Variants in TRUB1 observed in about 807,000 individuals in gnomAD.
The protein encoded by TRUB1 is TruB pseudouridine synthase family member 1.
Under a neutral mutation model 33.9 loss-of-function variants are expected in TRUB1, and 23 were observed. The observed-to-expected ratio is 0.68, with a 90% confidence interval of 0.49 to 0.96. The LOEUF is 0.96. Ranked by LOEUF, TRUB1 falls within the 40% of genes least tolerant of loss-of-function variation. TRUB1 has a pLI of 0.00. For synonymous variants in TRUB1, 163 were observed against 165.4 expected, an observed-to-expected ratio of 0.99 and a Z score of 0.11; for missense variants, 378 against 422.2, an observed-to-expected ratio of 0.90 and a Z score of 0.92.
In TRUB1 at chr10:114,938,537, C is replaced by A. The variant is rs775690285; in HGVS notation, c.284C>A (p.Ala95Glu). The A allele has an allele frequency of 5.9e-6, 9 of 1,526,448 alleles. No individual in the cohort carries two copies. The highest frequency in any genetic ancestry group is 2.3e-5 in the East Asian group (1 of 44,008). 94.6% of individuals were successfully genotyped at this position (1,526,448 alleles called of 1,614,324 possible). ...LLNRLKEKLL[A>E]EAGMPSPEWT... ...AATCGGTTGAAGGAGAAGCTGCTGGCAGGTACTGCAGCCCGGGTGGGGACC... is the reference window on the plus strand; with the variant it reads ...AATCGGTTGAAGGAGAAGCTGCTGGAAGGTACTGCAGCCCGGGTGGGGACC... Residue 95 changes from alanine (A) to glutamate (E), a missense_variant and splice_region_variant, in exon 1 of 8, where the codon GCA becomes GAA. Coordinates refer to ENST00000298746, the MANE Select transcript of TRUB1 (RefSeq NM_139169.5).
Position 114,970,395 on chromosome 10 carries a change from G to T in TRUB1, c.551G>T (p.Gly184Val), listed in dbSNP as rs765574220. Residue 184 changes from glycine to valine, a missense_variant, in exon 5 of 8, where the codon GGC becomes GTC. Physicochemically the swap from Gly to Val is moderately radical, Grantham distance 109. Coordinates refer to ENST00000298746, the MANE Select transcript of TRUB1 (RefSeq NM_139169.5). Reference sequence around the variant, plus strand: ...AAAATAACACAAGAAGATATTGAAGGCATTCTACAGAAATTTACTGGAAAT... The same window carrying T: ...AAAATAACACAAGAAGATATTGAAGTCATTCTACAGAAATTTACTGGAAAT... ...YDKITQEDIE[G>V]ILQKFTGNIM... 3.7e-5 allele frequency: 59 copies of T among 1,612,020 alleles called. No individual in the cohort carries two copies. Among genetic ancestry groups the T allele is most frequent in the Non-Finnish European group, 4.6e-5 (54 of 1,178,734 alleles).
intron 3 of TRUB1, among the ~76,000 whole-genome samples, chr10:114,957,839 A>G (rs1250792755): frequency 1.3e-5 from 2 of 152,216 alleles, no homozygotes; most frequent in African/African-American, 4.8e-5. Context: ...TTATGCAACT[A>G]AACAGACTCT....
At position 114,975,823 on chromosome 10, in the gene TRUB1, A is replaced by T. The variant is rs2084357828; in HGVS notation, c.*444A>T. On this transcript the variant is annotated 3_prime_UTR_variant, in exon 8 of 8. Coordinates refer to ENST00000298746, the MANE Select transcript of TRUB1 (RefSeq NM_139169.5). Reference sequence around the variant, plus strand: ...TGGCTTCATTTTATTGAAATTCTTTAAATTGTTTAAAGTGGCCATTATTGA... The same window carrying T: ...TGGCTTCATTTTATTGAAATTCTTTTAATTGTTTAAAGTGGCCATTATTGA... The T allele has an allele frequency of 6.6e-6, 1 of 152,432 alleles. No individual in the cohort carries two copies. The highest frequency in any genetic ancestry group is 6.5e-5 in the Admixed American group (1 of 15,296). 9.4% of individuals were successfully genotyped at this position (152,432 alleles called of 1,614,324 possible). A position where few individuals can be genotyped will look rare whatever the true frequency, so the allele number is the denominator to read the frequency against.
intron 2 of TRUB1, among the ~76,000 whole-genome samples, chr10:114,946,298 T>C (rs184868796): frequency 4.6e-5 from 7 of 152,296 alleles, no homozygotes; most frequent in African/African-American, 1.2e-4. Flanking sequence ...TATATAGATA[T>C]ATACTTTATC....
At chr10:114,949,424 C>A (rs1369490728) in intron 2 of TRUB1, among the ~76,000 whole-genome samples, 1 of 152,122 alleles carries the variant, frequency 6.6e-6, no homozygotes, top group Non-Finnish European at 1.5e-5. Flanking sequence ...AGACCTTGAA[C>A]TATATGACTT....
At chr10:114,941,327 T>A (rs1564696674) in intron 1 of TRUB1, among the ~76,000 whole-genome samples, 1 of 148,028 alleles carries the variant, frequency 6.8e-6, no homozygotes, top group South Asian at 2.2e-4. Context: ...GTAACATTAT[T>A]TTGCATTATC....
At chr10:114,959,051 G>T (rs1057348500) in intron 3 of TRUB1, among the ~76,000 whole-genome samples, 15 of 152,152 alleles carry the variant, frequency 9.9e-5, no homozygotes, top group African/African-American at 3.6e-4. Flanking sequence ...CAGGAGAATC[G>T]CTTGAACCCG....
chr10:114,965,081 C>T (rs970134856), intron 4 of TRUB1, among the ~76,000 whole-genome samples: 5 of 151,982 alleles, frequency 3.3e-5, no homozygotes, highest in African/African-American at 1.2e-4. Flanking sequence ...AGGTGCCAGC[C>T]ACCACGCCTG....
intron 1 of TRUB1, among the ~76,000 whole-genome samples, chr10:114,940,841 C>A (rs1354196459): frequency 2.0e-5 from 3 of 152,058 alleles, no homozygotes; most frequent in Admixed American, 2.0e-4. Context: ...AGTGACAGAT[C>A]AAGGGTTTGA....
Position 114,977,179 on chromosome 10 carries a change from T to C in TRUB1, c.*1800T>C, listed in dbSNP as rs2084365043. The C allele has an allele frequency of 6.6e-6, 1 of 152,158 alleles. No individual in the cohort carries two copies. The highest frequency in any genetic ancestry group is 2.4e-5 in the African/African-American group (1 of 41,462). 9.4% of individuals were successfully genotyped at this position (152,158 alleles called of 1,614,324 possible). Reference sequence around the variant, plus strand: ...TGTTTAAAACTGAAGTTTTGCCAAATGGGAAAATTACTGTTACCTCTACCA... The same window carrying C: ...TGTTTAAAACTGAAGTTTTGCCAAACGGGAAAATTACTGTTACCTCTACCA... On this transcript the variant is annotated 3_prime_UTR_variant, in exon 8 of 8. Coordinates refer to ENST00000298746, the MANE Select transcript of TRUB1 (RefSeq NM_139169.5).
At chr10:114,962,076 A>AC (rs2084287108) in intron 4 of TRUB1, among the ~76,000 whole-genome samples, 5 of 152,228 alleles carry the variant, frequency 3.3e-5, no homozygotes, top group African/African-American at 1.2e-4. Context: ...AAGCACACAG[A>AC]TATTAGCAGA....
chr10:114,942,520 T>C (rs2084192449), intron 1 of TRUB1, 125 bp from the exon 2 acceptor site: 3 of 619,958 alleles, frequency 4.8e-6, no homozygotes, highest in East Asian at 2.7e-5. Context: ...TCTCTTAACA[T>C]GTAAAGTTTG....
intron 4 of TRUB1, among the ~76,000 whole-genome samples, chr10:114,968,332 G>A (rs1231105848): frequency 3.9e-5 from 6 of 152,162 alleles, no homozygotes; most frequent in Non-Finnish European, 5.9e-5. Flanking sequence ...TTGCAGGAGC[G>A]TCAGTAGAGA....
intron 4 of TRUB1, among the ~76,000 whole-genome samples, chr10:114,963,176 C>T (rs143495492): frequency 6.6e-6 from 1 of 152,200 alleles, no homozygotes; most frequent in South Asian, 2.1e-4. Context: ...AAAGTGGAAT[C>T]TCATGCTAAT....
rs746394060 is a variant in TRUB1, at chr10:114,942,754, T to C, written c.385+11T>C. On this transcript the variant is annotated intron_variant, in intron 2 of 7. Transcript: ENST00000298746. ...CCCGAGGAGTTCTGGGTAAGAGATA[T>C]GAAAGGCAGTTAAGTGTCCACTGTC... 5.7e-6 allele frequency: 9 copies of C among 1,571,512 alleles called. No homozygotes were observed. Among genetic ancestry groups the C allele is most frequent in the Admixed American group, 3.3e-5 (2 of 59,848 alleles).
chr10:114,970,475 C>A, intron 5 of TRUB1, 35 bp downstream of exon 5: 2 of 1,456,880 alleles, frequency 1.4e-6, no homozygotes, highest in Non-Finnish European at 1.9e-6. Flanking sequence ...AAAATGTTTA[C>A]TTTTCTTTTC....
chr10:114,960,978 T>C (rs1480011884), intron 4 of TRUB1, among the ~76,000 whole-genome samples: 1 of 152,122 alleles, frequency 6.6e-6, no homozygotes, highest in African/African-American at 2.4e-5. Context: ...TGGGGTAATA[T>C]AATTAAGGCT....
intron 6 of TRUB1, among the ~76,000 whole-genome samples, chr10:114,973,326 T>G (rs2084345200): frequency 6.6e-6 from 1 of 152,136 alleles, no homozygotes; most frequent in Non-Finnish European, 1.5e-5. Flanking sequence ...TGCATTTAAG[T>G]CAGAAATATT....
chr10:114,947,155 G>T (rs1341781620), intron 2 of TRUB1, among the ~76,000 whole-genome samples: 1 of 151,994 alleles, frequency 6.6e-6, no homozygotes, highest in Non-Finnish European at 1.5e-5. Flanking sequence ...AAAGAATGGG[G>T]GCAGCCTCTA....
Sources: gnomAD v4.1 joint callset for allele counts (sites outside exome capture counted in the v4.1 genomes callset) on GRCh38, gnomAD v4.1.1 for gene constraint, MANE v1.5 for transcripts, NCBI Gene and HGNC (gene_info 2026-07-23, HGNC 2026-07-21) for gene names.